Variants in GRM7 observed in about 807,000 individuals in gnomAD.
GRM7 encodes glutamate metabotropic receptor 7.
Under a neutral mutation model 84.5 loss-of-function variants are expected in GRM7, and 35 were observed. That is an observed-to-expected ratio of 0.41 (90% CI 0.32 to 0.55). The LOEUF is 0.55. Ranked by LOEUF, GRM7 falls within the 20% of genes least tolerant of loss-of-function variation. The pLI, the probability that GRM7 is intolerant of heterozygous loss-of-function variation, is 0.19. For missense variants in GRM7, 1,003 were observed against 1,194.6 expected (o/e 0.84, Z 2.36); for synonymous variants, 487 against 455.1 (o/e 1.07, Z -0.89).
rs367957801 is a variant in GRM7 at position 7,247,924 on chromosome 3, C to A, written c.737-50760C>A. Among the ~76,000 whole-genome samples, 90 of 152,214 alleles carry A rather than the reference C, an allele frequency of 5.9e-4. 5 individuals are homozygous for A. The South Asian group carries it at 0.014, about 24-fold the overall frequency. ...CACATTATACTCACTAGAATGGCTA[C>A]AACTACAACTACAAACAACAGCTAC... On this transcript the variant is annotated intron_variant, in intron 2 of 9. Transcript: ENST00000357716.
chr3:7,630,985 T>A (rs949628595), intron 8 of GRM7, among the ~76,000 whole-genome samples: 3 of 152,204 alleles, frequency 2.0e-5, no homozygotes, highest in African/African-American at 7.2e-5. Flanking sequence ...CTGTAACCCT[T>A]GGATGTTAAC....
intron 5 of GRM7, among the ~76,000 whole-genome samples, chr3:7,444,231 G>A (rs1363048576): frequency 2.0e-5 from 3 of 152,128 alleles, no homozygotes; most frequent in Admixed American, 2.0e-4. Flanking sequence ...CCTCCTTATT[G>A]AAGGAGGTTT....
At chr3:7,593,604 A>G (rs1261928553) in intron 8 of GRM7, among the ~76,000 whole-genome samples, 1 of 152,212 alleles carries the variant, frequency 6.6e-6, no homozygotes, top group Non-Finnish European at 1.5e-5. Flanking sequence ...ACCTGCATGA[A>G]ATGAAATAGC....
intron 1 of GRM7, among the ~76,000 whole-genome samples, chr3:7,109,524 AATC>A (rs1410090881): frequency 6.6e-6 from 1 of 152,140 alleles, no homozygotes; most frequent in African/African-American, 2.4e-5. Flanking sequence ...CAGGAAAAGT[AATC>A]ATTGCCAGTA....
At chr3:7,664,974 A>G (rs1699623045) in intron 8 of GRM7, among the ~76,000 whole-genome samples, 2 of 152,178 alleles carry the variant, frequency 1.3e-5, no homozygotes, top group African/African-American at 4.8e-5. Context: ...TTTAATTTGT[A>G]TATTATTTAT....
chr3:7,100,540 T>C (rs9837834), intron 1 of GRM7, among the ~76,000 whole-genome samples: 70,415 of 151,632 alleles, frequency 0.46, 17,368 homozygotes, highest in African/African-American at 0.64. Flanking sequence ...TGTTAATGAG[T>C]GTACTGTGGA....
intron 9 of GRM7, among the ~76,000 whole-genome samples, chr3:7,733,514 C>T (rs1702397953): frequency 6.6e-6 from 1 of 152,272 alleles, no homozygotes; most frequent in Non-Finnish European, 1.5e-5. Flanking sequence ...GTTGTAAACA[C>T]TTGTGGGGTG....
At chr3:7,471,430 C>T (rs1698696435) in intron 7 of GRM7, among the ~76,000 whole-genome samples, 1 of 152,098 alleles carries the variant, frequency 6.6e-6, no homozygotes, top group Non-Finnish European at 1.5e-5. Context: ...GACTGAGGTC[C>T]CTGTTTCTCT....
Position 6,991,026 on chromosome 3 carries a change from G to A in GRM7, c.519+129119G>A, listed in dbSNP as rs138086981. Among the ~76,000 whole-genome samples, 37 of 152,070 alleles carry A rather than the reference G, an allele frequency of 2.4e-4. No individual in the cohort carries two copies. In the East Asian group the frequency reaches 5.8e-3, roughly 24 times the overall value. On this transcript the variant is annotated intron_variant, in intron 1 of 9. Transcript: ENST00000357716. ...CCAGGCTGCCGTGAGACATGATCAC[G>A]CCACTGCACTCCAGCCTGGGTGACA... is the stretch of plus-strand genomic sequence containing the variant.
intron 1 of GRM7, among the ~76,000 whole-genome samples, chr3:7,107,256 A>T (rs1306458782): frequency 6.6e-6 from 1 of 152,032 alleles, no homozygotes; most frequent in Non-Finnish European, 1.5e-5. Context: ...TATACAGTCT[A>T]GTTTCTTTTT....
intron 8 of GRM7, among the ~76,000 whole-genome samples, chr3:7,639,750 T>C (rs1698275508): frequency 6.6e-6 from 1 of 152,164 alleles, no homozygotes. Flanking sequence ...TGTACAAGTC[T>C]TAAATGTGTT....
At chr3:7,685,826 G>A (rs917867875) in intron 9 of GRM7, among the ~76,000 whole-genome samples, 2 of 151,562 alleles carry the variant, frequency 1.3e-5, no homozygotes, top group African/African-American at 2.4e-5. Context: ...TCAGACTGCT[G>A]GAAAATGGAT....
intron 8 of GRM7, among the ~76,000 whole-genome samples, chr3:7,646,600 A>G (rs1313147104): frequency 6.6e-6 from 1 of 152,142 alleles, no homozygotes; most frequent in East Asian, 1.9e-4. Flanking sequence ...AGGCCCAAAG[A>G]TATGCTTGTA....
chr3:7,369,960 T>A (rs1196440494), intron 4 of GRM7, among the ~76,000 whole-genome samples: 5 of 152,102 alleles, frequency 3.3e-5, no homozygotes, highest in Non-Finnish European at 5.9e-5. Context: ...CAGAAATAGC[T>A]AAGAAGATGC....
At chr3:6,946,207 T>C (rs1698074408) in intron 1 of GRM7, among the ~76,000 whole-genome samples, 1 of 152,226 alleles carries the variant, frequency 6.6e-6, no homozygotes, top group Non-Finnish European at 1.5e-5. Flanking sequence ...AACATTTAAG[T>C]CTTTAATCCA....
At chr3:6,887,761 G>C (rs935405543) in intron 1 of GRM7, among the ~76,000 whole-genome samples, 7 of 152,256 alleles carry the variant, frequency 4.6e-5, no homozygotes, top group Admixed American at 3.3e-4. Context: ...TGGGATGGCT[G>C]GGTCAAATGG....
intron 1 of GRM7, among the ~76,000 whole-genome samples, chr3:6,973,819 A>G (rs1348382548): frequency 6.6e-6 from 1 of 152,206 alleles, no homozygotes; most frequent in East Asian, 1.9e-4. Context: ...GAGGCAGTCA[A>G]GGTGCAGTTC....
intron 2 of GRM7, among the ~76,000 whole-genome samples, chr3:7,232,034 T>G (rs1697212122): frequency 6.6e-6 from 1 of 152,148 alleles, no homozygotes; most frequent in African/African-American, 2.4e-5. Context: ...AAATAAGTGA[T>G]GAATTCCTGG....
rs142751427 is a variant in GRM7, at chr3:7,361,750, A to G, written c.1034-53273A>G. 1.8e-4 allele frequency among the ~76,000 whole-genome samples: 28 copies of G among 152,266 alleles called. 1 individual carries two copies. Among genetic ancestry groups the G allele is most frequent in the African/African-American group, 6.7e-4 (28 of 41,584 alleles). On this transcript the variant is annotated intron_variant, in intron 4 of 9. Transcript: ENST00000357716. Reference sequence around the variant, plus strand: ...TGAGAGAAAAACTCCACAAAGACAGAAAGTGAAGCAGCTCTTGAATGTAAG... The same window carrying G: ...TGAGAGAAAAACTCCACAAAGACAGGAAGTGAAGCAGCTCTTGAATGTAAG...
Sources: allele counts gnomAD v4.1 joint callset (sites outside exome capture counted in the v4.1 genomes callset), GRCh38; gene constraint gnomAD v4.1.1; transcripts MANE v1.5; gene names NCBI Gene and HGNC (gene_info 2026-07-23, HGNC 2026-07-21).